The following TNK2 variants were observed in gnomAD, a reference collection of about 807,000 sequenced individuals.
The protein encoded by TNK2 is tyrosine kinase non receptor 2.
A neutral mutation model predicts 101.8 loss-of-function variants in TNK2; 83 were observed. That is an observed-to-expected ratio of 0.82 (90% CI 0.68 to 0.98). The LOEUF is 0.98. TNK2 is among the 50% of genes least tolerant of loss of function. The pLI is 0.00. For missense variants in TNK2, 1,665 were observed against 1,483.2 expected (o/e 1.12, Z -2.01); for synonymous variants, 804 against 633.0 (o/e 1.27, Z -4.06).
chr3:195,871,848 G>C (rs948894384), intron 10 of TNK2, among the ~76,000 whole-genome samples: 1 of 152,174 alleles, frequency 6.6e-6, no homozygotes, highest in Non-Finnish European at 1.5e-5. Context: ...CTCAGAGTTA[G>C]GAGATCGGCC....
At chr3:195,903,428 T>G (rs964585061) in intron 1 of TNK2, among the ~76,000 whole-genome samples, 10 of 152,160 alleles carry the variant, frequency 6.6e-5, no homozygotes, top group Non-Finnish European at 1.5e-4. Context: ...AACATTATAT[T>G]AGATGAGGCT....
chr3:195,884,846 C>G lies in TNK2; in HGVS notation c.422G>C (p.Arg141Pro), dbSNP rs768970594. 6.2e-7 allele frequency: 1 copy of G among 1,612,870 alleles called. No individual in the cohort carries two copies. The highest frequency in any genetic ancestry group is 8.5e-7 in the Non-Finnish European group (1 of 1,179,916). The change falls in exon 4 of 16, where the codon CGC becomes CCC. Residue 141 changes from arginine (R) to proline (P), a missense_variant. Physicochemically the swap from Arg to Pro is moderately radical, Grantham distance 103 (BLOSUM62 -2). Coordinates refer to ENST00000672887, the MANE Select transcript of TNK2 (RefSeq NM_001382273.1). ...TGAGGGCGCGTCCCACTCGCCCCTG[C>G]GCACCACGCCAAAGGAACCATCACC... ...KLGDGSFGVV[R>P]RGEWDAPSGK... is the part of the protein sequence containing the mutation.
rs745609285 is a variant in TNK2, at chr3:195,867,547, G to C, written c.2751C>G (p.Pro917=). ...LLLPPPSTPA[P]AAPTATVRPM... Reference sequence around the variant, plus strand: ...GCCGCACGGTGGCCGTGGGGGCGGCGGGGGCTGGGGTGCTGGGTGGGGGCA... The same window carrying C: ...GCCGCACGGTGGCCGTGGGGGCGGCCGGGGCTGGGGTGCTGGGTGGGGGCA... Residue 917 remains proline (P), a synonymous_variant, in exon 13 of 16, where the codon CCC becomes CCG. Coordinates refer to ENST00000672887, the MANE Select transcript of TNK2 (RefSeq NM_001382273.1). 6.5e-7 allele frequency: 1 copy of C among 1,541,864 alleles called. No individual in the cohort carries two copies.
intron 1 of TNK2, among the ~76,000 whole-genome samples, chr3:195,902,748 T>G (rs933258146): frequency 4.0e-5 from 6 of 151,140 alleles, no homozygotes; most frequent in Non-Finnish European, 8.9e-5. Context: ...ATACCACTTT[T>G]TTTTGTTTTG....
At chr3:195,874,020 G>A (rs1747364691) in intron 9 of TNK2, among the ~76,000 whole-genome samples, 1 of 152,102 alleles carries the variant, frequency 6.6e-6, no homozygotes, top group Non-Finnish European at 1.5e-5. Context: ...GCCACTCGAA[G>A]GAGCAGAGCC....
rs12629675 is a variant in TNK2, at chr3:195,886,740, G to C, written c.234+237C>G. ...AGGCGTGCCGAGAGGGGCTGTGAAGGCCTCACCGCACACAGGCTGCTCACG... is the reference window on the plus strand; with the variant it reads ...AGGCGTGCCGAGAGGGGCTGTGAAGCCCTCACCGCACACAGGCTGCTCACG... On this transcript the variant is annotated intron_variant, in intron 3 of 15. Coordinates refer to ENST00000672887, the MANE Select transcript of TNK2 (RefSeq NM_001382273.1). This position sits in a 1 kb window ranked among gnomAD's most constrained non-coding sequence, Gnocchi z 4.2. Among the ~76,000 whole-genome samples, 121 of 152,278 alleles carry C rather than the reference G, an allele frequency of 7.9e-4. 2 individuals carry two copies. In the East Asian group the frequency reaches 0.018, roughly 22 times the overall value.
intron 1 of TNK2, among the ~76,000 whole-genome samples, chr3:195,893,586 A>G (rs371608758): frequency 7.9e-5 from 12 of 152,084 alleles, no homozygotes; most frequent in African/African-American, 2.7e-4. Flanking sequence ...ATGTTTCTAG[A>G]ACTGACAAAT....
At chr3:195,902,658 A>C (rs1761335101) in intron 1 of TNK2, among the ~76,000 whole-genome samples, 3 of 151,934 alleles carry the variant, frequency 2.0e-5, no homozygotes, top group South Asian at 2.1e-4. Flanking sequence ...AAAAAAAAAA[A>C]AAACACCTCT....
chr3:195,868,539 C>A lies in TNK2; in HGVS notation c.1759G>T (p.Asp587Tyr), dbSNP rs781714123. ...RGSGAEVTLI[D>Y]FGEEPVVPAL... ...GGGACCACGGGCTCCTCACCGAAGT[C>A]GATGAGCGTGACCTCAGCCCCGCTG... Residue 587 changes from aspartate (D) to tyrosine (Y), a missense_variant, in exon 13 of 16, where the codon GAC becomes TAC. Transcript: ENST00000672887. 1.3e-6 allele frequency: 2 copies of A among 1,566,910 alleles called. No homozygotes were observed. The highest frequency in any genetic ancestry group is 1.7e-6 in the Non-Finnish European group (2 of 1,165,184).
intron 1 of TNK2, among the ~76,000 whole-genome samples, chr3:195,889,506 T>C (rs995230541): frequency 2.0e-5 from 3 of 151,736 alleles, no homozygotes; most frequent in African/African-American, 7.2e-5. Context: ...CTTCAGACTC[T>C]GTTGTCCCTA....
chr3:195,867,455 C>A lies in TNK2; in HGVS notation c.2843G>T (p.Arg948Leu). 6.3e-7 allele frequency: 1 copy of A among 1,589,916 alleles called. No homozygotes were observed. The highest frequency in any genetic ancestry group is 8.5e-7 in the Non-Finnish European group (1 of 1,174,854). The change falls in exon 13 of 16, where the codon CGG becomes CTG. Residue 948 changes from arginine (R) to leucine (L), a missense_variant. Transcript: ENST00000672887. ...AGCAGTGGCCCTCGGGGGTGGTGGC[C>A]GGGCCCCTGGGTTGCTGTTGTTGGT... The part of the protein sequence containing the change: ...FSTNNSNPGA[R>L]PPPPRATARL...
intron 9 of TNK2, among the ~76,000 whole-genome samples, chr3:195,875,561 C>T (rs1748613277): frequency 6.6e-6 from 1 of 152,168 alleles, no homozygotes; most frequent in Non-Finnish European, 1.5e-5. Flanking sequence ...TTCTCGCAGC[C>T]CACACGCACC....
At chr3:195,879,733 G>C (rs1412135102) in intron 6 of TNK2, among the ~76,000 whole-genome samples, 7 of 152,178 alleles carry the variant, frequency 4.6e-5, no homozygotes, top group African/African-American at 1.7e-4. Context: ...GGCGTGGACT[G>C]AGGTGCAGAG....
intron 1 of TNK2, among the ~76,000 whole-genome samples, chr3:195,893,411 G>A (rs1029331953): frequency 2.0e-5 from 3 of 151,902 alleles, no homozygotes; most frequent in African/African-American, 7.3e-5. Flanking sequence ...AGACCAGGTG[G>A]CCAAGTTCCC....
intron 1 of TNK2, among the ~76,000 whole-genome samples, chr3:195,895,738 T>A (rs1419442849): frequency 1.3e-5 from 2 of 151,962 alleles, no homozygotes; most frequent in Non-Finnish European, 2.9e-5. Context: ...GAGTCCCCCG[T>A]ATTCACGGTA....
chr3:195,895,744 C>T (rs958208869), intron 1 of TNK2, among the ~76,000 whole-genome samples: 1 of 152,170 alleles, frequency 6.6e-6, no homozygotes, highest in Admixed American at 6.5e-5. Flanking sequence ...CCCGTATTCA[C>T]GGTAAGGGGC....
At chr3:195,892,675 A>G in intron 1 of TNK2, 1 of 1,359,604 alleles carries the variant, frequency 7.4e-7, no homozygotes, top group South Asian at 1.6e-5. Flanking sequence ...TCTGGCAGGG[A>G]GCAGAGCTTT....
rs1316473672 is a variant in TNK2 at position 195,868,317 on chromosome 3, CAA to C, written c.1979_1980del (p.Phe660Ter). ...YDDVAQDEDD[F>X]EICSINSTLV... is the part of the protein sequence containing the mutation. Reference sequence around the variant, plus strand: ...AGGGTGCTGTTGATGGAGCAGATCTCAAAGTCATCCTCATCCTGGGCCACGTC... The same window carrying C: ...AGGGTGCTGTTGATGGAGCAGATCTCAGTCATCCTCATCCTGGGCCACGTC... On this transcript the variant is annotated frameshift_variant, in exon 13 of 16. Transcript: ENST00000672887. LOFTEE classifies it high-confidence loss of function. 2.5e-6 allele frequency: 4 copies of C among 1,602,956 alleles called. No individual in the cohort carries two copies. Among genetic ancestry groups the C allele is most frequent in the South Asian group, 2.2e-5 (2 of 91,030 alleles).
chr3:195,869,452 G>A (rs746787634), intron 12 of TNK2, 45 bp downstream of exon 12: 17 of 1,538,168 alleles, frequency 1.1e-5, no homozygotes, highest in East Asian at 9.8e-5. Flanking sequence ...GTGAGAGAGA[G>A]GGGGCGGGGG....
Sources: allele counts gnomAD v4.1 joint callset (sites outside exome capture counted in the v4.1 genomes callset), GRCh38; gene constraint gnomAD v4.1.1; non-coding constraint Gnocchi (gnomAD v3.1); transcripts MANE v1.5; gene names NCBI Gene and HGNC (gene_info 2026-07-23, HGNC 2026-07-21).